Variants in LRIG1 observed in about 807,000 individuals in gnomAD.
LRIG1 encodes the protein leucine rich repeats and immunoglobulin like domains 1.
In LRIG1, 48 loss-of-function variants were observed where a neutral mutation model predicts 99.2. The observed-to-expected ratio is 0.48, with a 90% CI of 0.38 to 0.62. LRIG1 has a LOEUF of 0.62. Among genes scored for constraint, LRIG1 ranks in the 20% least tolerant of loss-of-function variants. LRIG1 has a pLI of 0.00. For synonymous variants in LRIG1, 772 were observed against 596.1 expected (o/e 1.29, Z -4.30); for missense variants, 1,646 against 1,434.4 (o/e 1.15, Z -2.38).
At chr3:66,445,936 C>T (rs1193676927) in intron 3 of LRIG1, among the ~76,000 whole-genome samples, 5 of 152,120 alleles carry the variant, frequency 3.3e-5, no homozygotes, top group African/African-American at 4.8e-5. Flanking sequence ...CCTAATTTTC[C>T]GACGTTGCAC....
intron 2 of LRIG1, among the ~76,000 whole-genome samples, chr3:66,458,013 CA>C: frequency 6.6e-6 from 1 of 152,370 alleles, no homozygotes; most frequent in South Asian, 2.1e-4. Context: ...CCAAGGTTAG[CA>C]CAGGTTTTGA....
At position 66,379,200 on chromosome 3, in the gene LRIG1, TATACCCA is replaced by T. The variant is rs1464052638; in HGVS notation, c.*1056_*1062del. On this transcript the variant is annotated 3_prime_UTR_variant, in exon 19 of 19. Coordinates refer to ENST00000273261, the MANE Select transcript of LRIG1 (RefSeq NM_015541.3). ...AGCTACCAGTCTCAAAAGTGCAAAT[TATACCCA>T]GAACCCAGGTCAAGGGCTGTCCTTT... is the stretch of plus-strand genomic sequence containing the variant. The T allele has an allele frequency of 6.6e-6, 1 of 152,600 alleles. No individual in the cohort carries two copies. Among genetic ancestry groups the T allele is most frequent in the Non-Finnish European group, 1.5e-5 (1 of 68,022 alleles). 9.5% of individuals were successfully genotyped at this position (152,600 alleles called of 1,614,324 possible).
chr3:66,455,087 G>T (rs1422945757), intron 2 of LRIG1, among the ~76,000 whole-genome samples: 1 of 152,122 alleles, frequency 6.6e-6, no homozygotes, highest in Non-Finnish European at 1.5e-5. Context: ...TGGGATTATA[G>T]GCACAGGCCA....
chr3:66,450,765 G>A (rs1703879404), intron 3 of LRIG1, among the ~76,000 whole-genome samples: 1 of 152,222 alleles, frequency 6.6e-6, no homozygotes, highest in African/African-American at 2.4e-5. Flanking sequence ...AGCCTGGAGT[G>A]GAAACAGGAA....
chr3:66,477,418 A>T (rs1250291202), intron 1 of LRIG1, among the ~76,000 whole-genome samples: 1 of 152,234 alleles, frequency 6.6e-6, no homozygotes, highest in Non-Finnish European at 1.5e-5. Flanking sequence ...AATACAGGAC[A>T]AGATGATCCT....
chr3:66,466,042 T>G (rs1700465566), intron 1 of LRIG1, among the ~76,000 whole-genome samples: 2 of 152,134 alleles, frequency 1.3e-5, no homozygotes, highest in Admixed American at 6.5e-5. Context: ...AGAATTTCAT[T>G]TTTTTTAGAG....
At chr3:66,397,859 CG>C (rs920759159) in intron 11 of LRIG1, among the ~76,000 whole-genome samples, 3 of 152,252 alleles carry the variant, frequency 2.0e-5, no homozygotes, top group Non-Finnish European at 4.4e-5. Context: ...CTTCAGCCTG[CG>C]GCCCGACTGC....
intron 8 of LRIG1, 39 bp from the exon 9 acceptor site, chr3:66,405,317 G>C (rs754075883): frequency 6.5e-7 from 1 of 1,529,266 alleles, no homozygotes; most frequent in Non-Finnish European, 9.1e-7. Flanking sequence ...GAGCAGTCGG[G>C]GCGTGAAGGG....
At chr3:66,497,111 T>C (rs1393888404) in intron 1 of LRIG1, among the ~76,000 whole-genome samples, 2 of 152,250 alleles carry the variant, frequency 1.3e-5, no homozygotes, top group Non-Finnish European at 2.9e-5. Context: ...CTTTTGTGAA[T>C]ATCCTTGCTT....
At chr3:66,454,878 A>ACAT (rs970667686) in intron 2 of LRIG1, among the ~76,000 whole-genome samples, 2 of 152,176 alleles carry the variant, frequency 1.3e-5, no homozygotes, top group African/African-American at 2.4e-5. Context: ...TCATAGTACT[A>ACAT]CATCATCATC....
At chr3:66,472,614 G>T (rs1700628566) in intron 1 of LRIG1, among the ~76,000 whole-genome samples, 1 of 152,230 alleles carries the variant, frequency 6.6e-6, no homozygotes, top group Admixed American at 6.5e-5. Context: ...TCCTGGTCAT[G>T]AGAGCAGGGT....
intron 3 of LRIG1, chr3:66,417,571 G>A (rs1008115126): frequency 3.2e-5 from 11 of 346,834 alleles, no homozygotes; most frequent in Non-Finnish European, 4.9e-5. Flanking sequence ...CAGAATCCAC[G>A]GATGCACTCA....
At chr3:66,423,736 T>G (rs12488296) in intron 3 of LRIG1, among the ~76,000 whole-genome samples, 27,801 of 152,152 alleles carry the variant, frequency 0.18, 2,652 homozygotes, top group Admixed American at 0.26. Context: ...TGGAACAATA[T>G]GCCTTGAGTG....
chr3:66,385,348 C>T (rs1233339935), intron 13 of LRIG1, among the ~76,000 whole-genome samples: 1 of 152,188 alleles, frequency 6.6e-6, no homozygotes, highest in African/African-American at 2.4e-5. Context: ...ACAGCAGCTT[C>T]CCCAGGCTAA....
Position 66,465,818 on chromosome 3 carries a change from A to G in LRIG1, c.219-3309T>C, listed in dbSNP as rs900024421. ...TCTCCAGAACTTTAGAAGTTTCTCAACATCCCAAACTGAAAGTCTGTACTC... is the reference window on the plus strand; with the variant it reads ...TCTCCAGAACTTTAGAAGTTTCTCAGCATCCCAAACTGAAAGTCTGTACTC... On this transcript the variant is annotated intron_variant, in intron 1 of 18. Coordinates refer to ENST00000273261, the MANE Select transcript of LRIG1 (RefSeq NM_015541.3). Among the ~76,000 whole-genome samples, 11 of 152,248 alleles carry G rather than the reference A, an allele frequency of 7.2e-5. No homozygotes were observed. In the South Asian group the frequency reaches 1.7e-3, roughly 23 times the overall value.
chr3:66,406,851 G>C (rs1025385294), intron 8 of LRIG1, among the ~76,000 whole-genome samples: 1 of 152,196 alleles, frequency 6.6e-6, no homozygotes, highest in Admixed American at 6.5e-5. Flanking sequence ...TTTTGGAAAG[G>C]AGGCATCTTG....
At chr3:66,431,577 C>T (rs1703174062) in intron 3 of LRIG1, among the ~76,000 whole-genome samples, 1 of 152,128 alleles carries the variant, frequency 6.6e-6, no homozygotes, top group South Asian at 2.1e-4. Flanking sequence ...CCTCCTCTGC[C>T]CAAGTTCCAC....
At chr3:66,397,233 G>C (rs928464380) in intron 11 of LRIG1, among the ~76,000 whole-genome samples, 2 of 152,174 alleles carry the variant, frequency 1.3e-5, no homozygotes, top group Non-Finnish European at 2.9e-5. Context: ...CAGCTATGGG[G>C]AATGCACCTC....
At chr3:66,453,495 G>A (rs552644410) in intron 2 of LRIG1, among the ~76,000 whole-genome samples, 49 of 152,186 alleles carry the variant, frequency 3.2e-4, no homozygotes, top group Non-Finnish European at 6.0e-4. Flanking sequence ...TAGCCCCAAA[G>A]TCTAGGTTTT....
Sources: allele counts gnomAD v4.1 joint callset (sites outside exome capture counted in the v4.1 genomes callset), GRCh38; gene constraint gnomAD v4.1.1; transcripts MANE v1.5; gene names NCBI Gene and HGNC (gene_info 2026-07-23, HGNC 2026-07-21).